Variants in AMMECR1 observed in about 807,000 individuals in gnomAD.
AMMECR1 encodes AMMECR nuclear protein 1, also known as nuclear protein AMMECR1.
A neutral mutation model predicts 22.5 loss-of-function variants in AMMECR1; 3 were observed. That is an observed-to-expected ratio of 0.13 (90% confidence interval 0.06 to 0.35). AMMECR1 has a LOEUF of 0.35. AMMECR1 is among the 10% of genes least tolerant of loss of function. The probability of loss-of-function intolerance (pLI) is 1.00; values close to 1 mark genes in which losing one functional copy is unlikely to be tolerated. For missense variants in AMMECR1, 235 were observed against 278.7 expected, an observed-to-expected ratio of 0.84 and a Z score of 1.12; for synonymous variants, 130 against 116.7, an observed-to-expected ratio of 1.11 and a Z score of -0.74.
intron 5 of AMMECR1, among the ~76,000 whole-genome samples, chrX:110,199,456 CA>C (rs2067386429): frequency 1.8e-5 from 2 of 110,900 alleles, no homozygotes; most frequent in Non-Finnish European, 1.9e-5. Flanking sequence ...CAATTTCAAT[CA>C]TATCTAGCCA....
chrX:110,259,793 G>A (rs1184260584), intron 2 of AMMECR1, among the ~76,000 whole-genome samples: 2 of 109,678 alleles, frequency 1.8e-5, no homozygotes, highest in East Asian at 2.9e-4. Context: ...GAGTTTCACC[G>A]TGTTAGCCAG....
In AMMECR1 at chrX:110,317,602, G is replaced by T. The variant is rs1370875624; in HGVS notation, c.470C>A (p.Pro157His). Residue 157 changes from proline to histidine, a missense_variant, in exon 1 of 6, where the codon CCC becomes CAC. Pro to His is a moderately conservative substitution (Grantham distance 77). Around this residue, in one of 2 missense-constraint regions of AMMECR1, gnomAD observed 111 missense variants for 181.7 expected, o/e 0.61. Transcript: ENST00000262844. ...QPRTPRFTNE[P>H]YPLFVTWKIG... ...CGGCGGAGGGCACGGTACTCACTAG[G>T]GCTCGTTGGTGAATCGGGGGGTCCG... The T allele has an allele frequency of 8.4e-7, 1 of 1,189,215 alleles. No homozygotes were observed. The highest frequency in any genetic ancestry group is 1.1e-6 in the Non-Finnish European group (1 of 882,798).
chrX:110,325,181 A>G (rs191610514), intron 2 of AMMECR1, among the ~76,000 whole-genome samples: 59 of 111,816 alleles, frequency 5.3e-4, no homozygotes, highest in African/African-American at 1.6e-3. Flanking sequence ...TTTTTTATGC[A>G]TTCATAGTGT....
chrX:110,245,755 G>A (rs1231173711), intron 2 of AMMECR1, among the ~76,000 whole-genome samples: 1 of 110,191 alleles, frequency 9.1e-6, no homozygotes, highest in Admixed American at 9.8e-5. Context: ...GTGAAGCTAT[G>A]ACCTAGGATT....
At chrX:110,339,281 T>C (rs151041387) in intron 2 of AMMECR1, among the ~76,000 whole-genome samples, 225 of 109,902 alleles carry the variant, frequency 2.0e-3, no homozygotes, top group Non-Finnish European at 3.5e-3. Flanking sequence ...AAGGGTTCAT[T>C]TCCTTATCTA....
At chrX:110,278,415 G>C (rs2067836885) in intron 1 of AMMECR1, among the ~76,000 whole-genome samples, 2 of 111,763 alleles carry the variant, frequency 1.8e-5, no homozygotes, top group African/African-American at 6.5e-5. Flanking sequence ...GTAAGCCAAT[G>C]TCAAGCCTAT....
rs760760141 is a variant in AMMECR1, at chrX:110,361,441, G to A, written c.-147-43592C>T. 1.5e-4 allele frequency among the ~76,000 whole-genome samples: 17 copies of A among 111,094 alleles called. No homozygotes were observed. In the South Asian group the frequency reaches 6.5e-3, roughly 42 times the overall value. ...CACTCAAGCCTATTATTCTCTCACT[G>A]TTTTTTGGAACCAGGATAATTTTAT... On this transcript the variant is annotated intron_variant, in intron 2 of 7. Coordinates refer to the AMMECR1 transcript ENST00000372057.
intron 2 of AMMECR1, among the ~76,000 whole-genome samples, chrX:110,328,462 ACT>A (rs1177435187): frequency 8.0e-4 from 58 of 72,829 alleles, no homozygotes; most frequent in Non-Finnish European, 1.5e-3. Context: ...TAGATGTTTG[ACT>A]CTTTTTTTTT....
chrX:110,344,648 GA>G (rs761051831), intron 2 of AMMECR1, among the ~76,000 whole-genome samples: 1,222 of 110,703 alleles, frequency 0.011, 11 homozygotes, highest in Non-Finnish European at 0.016. Context: ...AAATTCACAA[GA>G]AAAAAACAAA....
At chrX:110,399,969 C>T (rs1025296099) in intron 2 of AMMECR1, among the ~76,000 whole-genome samples, 5 of 111,389 alleles carry the variant, frequency 4.5e-5, no homozygotes, top group Admixed American at 2.9e-4. Flanking sequence ...ACAGGGATCA[C>T]ATTTCAACGG....
chrX:110,438,612 G>A (rs2068856521), intron 1 of AMMECR1, among the ~76,000 whole-genome samples: 1 of 111,314 alleles, frequency 9.0e-6, no homozygotes, highest in Admixed American at 9.5e-5. Context: ...TTCCTCCCGA[G>A]ACTAGTTTTG....
intron 2 of AMMECR1, among the ~76,000 whole-genome samples, chrX:110,245,982 G>T (rs938359692): frequency 9.8e-5 from 11 of 112,226 alleles, no homozygotes; most frequent in African/African-American, 3.6e-4. Context: ...TTAATAAGCA[G>T]CCCTCATGGC....
intron 2 of AMMECR1, among the ~76,000 whole-genome samples, chrX:110,355,357 G>GC (rs1313675323): frequency 8.9e-6 from 1 of 111,902 alleles, no homozygotes; most frequent in Non-Finnish European, 1.9e-5. Flanking sequence ...CTGTAATTGT[G>GC]CCACCACACT....
At chrX:110,428,780 A>G (rs1455606315) in intron 1 of AMMECR1, among the ~76,000 whole-genome samples, 1 of 111,987 alleles carries the variant, frequency 8.9e-6, no homozygotes, top group Non-Finnish European at 1.9e-5. Flanking sequence ...CCTATGGAAT[A>G]CCAGCCACAT....
Position 110,284,086 on chromosome X carries a change from A to G in AMMECR1, c.474-19487T>C, listed in dbSNP as rs1296813428. Reference sequence around the variant, plus strand: ...GGTTGCGGTGAGCTGAGATCTTGCCACTGCACTCCAGCCTGGGTGACAGAG... The same window carrying G: ...GGTTGCGGTGAGCTGAGATCTTGCCGCTGCACTCCAGCCTGGGTGACAGAG... On this transcript the variant is annotated intron_variant, in intron 1 of 5. Transcript: ENST00000262844. 3.6e-5 allele frequency among the ~76,000 whole-genome samples: 4 copies of G among 111,362 alleles called. No homozygotes were observed. The East Asian group carries it at 1.1e-3, about 31-fold the overall frequency.
At chrX:110,363,420 A>G (rs996139467) in intron 2 of AMMECR1, among the ~76,000 whole-genome samples, 1 of 111,896 alleles carries the variant, frequency 8.9e-6, no homozygotes, top group African/African-American at 3.3e-5. Flanking sequence ...TTGGCTGCCC[A>G]CAGAAAAGTA....
intron 2 of AMMECR1, among the ~76,000 whole-genome samples, chrX:110,249,769 G>A (rs1240297088): frequency 4.5e-5 from 5 of 111,732 alleles, no homozygotes; most frequent in African/African-American, 9.8e-5. Context: ...GCATGGTGGC[G>A]CATGCCTGCA....
chrX:110,225,049 G>A, intron 2 of AMMECR1: 1 of 373,364 alleles, frequency 2.7e-6, no homozygotes, highest in South Asian at 2.4e-5. Context: ...AATGTCGTCT[G>A]TCATCACCAG....
intron 2 of AMMECR1, among the ~76,000 whole-genome samples, chrX:110,366,517 C>T (rs951522668): frequency 3.6e-5 from 4 of 111,698 alleles, no homozygotes; most frequent in African/African-American, 1.3e-4. Context: ...TCAGCCCTTA[C>T]ATGATAAAAG....
Sources: allele counts gnomAD v4.1 joint callset (sites outside exome capture counted in the v4.1 genomes callset), GRCh38; gene constraint gnomAD v4.1.1; regional missense constraint gnomAD v4.1.1; transcripts MANE v1.5; gene names NCBI Gene and HGNC (gene_info 2026-07-23, HGNC 2026-07-21).